The following MCCC1 variants were observed in gnomAD, a reference collection of about 807,000 sequenced individuals.
MCCC1 encodes methylcrotonyl-CoA carboxylase subunit 1.
Under a neutral mutation model 83.8 loss-of-function variants are expected in MCCC1, and 64 were observed. That is an observed-to-expected ratio of 0.76 (90% CI 0.62 to 0.94). The LOEUF (loss-of-function observed/expected upper bound fraction) is 0.94, where lower values mean the gene tolerates loss of function less well. MCCC1 is among the 40% of genes least tolerant of loss of function. The pLI is 0.00. For synonymous variants in MCCC1, 322 were observed against 315.4 expected (o/e 1.02, Z -0.22); for missense variants, 807 against 904.7 (o/e 0.89, Z 1.39).
Position 183,052,254 on chromosome 3 carries a change from A to T in MCCC1, c.874-14T>A, listed in dbSNP as rs766849894. On this transcript the variant is annotated splice_polypyrimidine_tract_variant and intron_variant, in intron 8 of 18. Transcript: ENST00000265594. Reference sequence around the variant, plus strand: ...TTTAATACCAGGCTATGAAAAAAATATGTAAATAAATCTCCATTAGTAGCT... The same window carrying T: ...TTTAATACCAGGCTATGAAAAAAATTTGTAAATAAATCTCCATTAGTAGCT... 1.2e-6 allele frequency: 2 copies of T among 1,608,944 alleles called. No individual in the cohort carries two copies. Among genetic ancestry groups the T allele is most frequent in the Non-Finnish European group, 1.7e-6 (2 of 1,175,494 alleles).
intron 4 of MCCC1, among the ~76,000 whole-genome samples, chr3:183,080,036 A>AT (rs1224343024): frequency 6.6e-6 from 1 of 151,824 alleles, no homozygotes; most frequent in East Asian, 1.9e-4. Flanking sequence ...CCACAAAACC[A>AT]TTTTTTCCCT....
At chr3:183,091,565 T>TCAAAAA (rs1160351180) in intron 3 of MCCC1, among the ~76,000 whole-genome samples, 2 of 149,374 alleles carry the variant, frequency 1.3e-5, no homozygotes, top group East Asian at 4.0e-4. Flanking sequence ...GAGACTCTTG[T>TCAAAAA]CAAAAACAAA....
At chr3:183,101,638 G>C (rs914237447), upstream of MCCC1, among the ~76,000 whole-genome samples, 1 of 152,228 alleles carries the variant, frequency 6.6e-6, no homozygotes, top group African/African-American at 2.4e-5. Flanking sequence ...CAATCAGCAG[G>C]ATGTGGGTGG....
chr3:183,041,673 A>G lies in MCCC1; in HGVS notation c.1161T>C (p.Tyr387=), dbSNP rs1577276273. 1.2e-6 allele frequency: 2 copies of G among 1,614,078 alleles called. No homozygotes were observed. Among genetic ancestry groups the G allele is most frequent in the African/African-American group, 1.3e-5 (1 of 74,940 alleles). Residue 387 remains tyrosine (Y), a synonymous_variant, in exon 11 of 19, where the codon TAT becomes TAC. Transcript: ENST00000265594. Reference sequence around the variant, plus strand: ...TGAAGTTATTGCTAGGATCTTCTGCATATATTCTAGCTTCGAAGGCATGGC... The same window carrying G: ...TGAAGTTATTGCTAGGATCTTCTGCGTATATTCTAGCTTCGAAGGCATGGC... ...LQGHAFEARI[Y]AEDPSNNFMP...
upstream of MCCC1, among the ~76,000 whole-genome samples, chr3:183,102,885 C>A (rs1309542485): frequency 5.1e-5 from 7 of 137,536 alleles, no homozygotes; most frequent in Middle Eastern, 4.1e-3. Context: ...CTCCCAAGTT[C>A]AAATGATTCT....
upstream of MCCC1, among the ~76,000 whole-genome samples, chr3:183,100,373 AAT>A (rs1184438293): frequency 1.3e-5 from 2 of 152,226 alleles, no homozygotes; most frequent in Non-Finnish European, 2.9e-5. Context: ...CCACAGAAAA[AAT>A]AGAGAAGTTT....
chr3:183,105,301 G>A (rs1301164968), intron 1 of MCCC1, among the ~76,000 whole-genome samples: 1 of 152,084 alleles, frequency 6.6e-6, no homozygotes, highest in African/African-American at 2.4e-5. Context: ...CTGAGGTCAC[G>A]CCATTGCACC....
At chr3:183,070,951 T>C (rs374936191) in intron 7 of MCCC1, 48 bp downstream of exon 7, 12 of 1,562,384 alleles carry the variant, frequency 7.7e-6, no homozygotes, top group Non-Finnish European at 1.0e-5. Context: ...GCATTATTTT[T>C]ATAATTTAAT....
intron 4 of MCCC1, among the ~76,000 whole-genome samples, chr3:183,078,740 C>T (rs1374901737): frequency 6.6e-6 from 1 of 152,160 alleles, no homozygotes; most frequent in Non-Finnish European, 1.5e-5. Flanking sequence ...GATAAATGCT[C>T]TTCTTTCATA....
chr3:183,092,063 A>C (rs965857220), intron 3 of MCCC1, among the ~76,000 whole-genome samples: 1 of 151,322 alleles, frequency 6.6e-6, no homozygotes, highest in African/African-American at 2.4e-5. Flanking sequence ...AAAAAAAAAG[A>C]AAAAAAAAGA....
rs11927776 is a variant in MCCC1, at chr3:183,036,968, T to C, written c.1594+250A>G. On this transcript the variant is annotated intron_variant, in intron 13 of 18. Coordinates refer to ENST00000265594, the MANE Select transcript of MCCC1 (RefSeq NM_020166.5). ...GATTACAGACGTGAGCCACCGCGCC[T>C]GGCCAAAGAGATCCATTTCTACAAT... Among the ~76,000 whole-genome samples the C allele has an allele frequency of 4.0e-3, 604 of 152,216 alleles. 2 individuals are homozygous for C. The highest frequency in any genetic ancestry group is 0.014 in the African/African-American group (579 of 41,536).
Position 183,041,675 on chromosome 3 carries a change from A to G in MCCC1, c.1159T>C (p.Tyr387His). Residue 387 changes from tyrosine to histidine, a missense_variant, in exon 11 of 19, where the codon TAT (tyrosine) becomes CAT (histidine). Coordinates refer to ENST00000265594, the MANE Select transcript of MCCC1 (RefSeq NM_020166.5). ...LQGHAFEARIYAEDPSNNFMP... is the reference protein window; with the variant it reads ...LQGHAFEARIHAEDPSNNFMP... The stretch of plus-strand genomic sequence containing the variant: ...AAGTTATTGCTAGGATCTTCTGCAT[A>G]TATTCTAGCTTCGAAGGCATGGCCC... 6.2e-7 allele frequency: 1 copy of G among 1,614,218 alleles called. No individual in the cohort carries two copies. The highest frequency in any genetic ancestry group is 8.5e-7 in the Non-Finnish European group (1 of 1,180,034).
At chr3:183,042,347 T>C (rs1714159078) in intron 10 of MCCC1, among the ~76,000 whole-genome samples, 1 of 152,228 alleles carries the variant, frequency 6.6e-6, no homozygotes, top group African/African-American at 2.4e-5. Flanking sequence ...ACTATAATTA[T>C]TACTATTTTA....
chr3:183,030,030 T>A lies in MCCC1; in HGVS notation c.1681+3961A>T, dbSNP rs7651093. Among the ~76,000 whole-genome samples the A allele has an allele frequency of 8.5e-3, 1,290 of 152,260 alleles. 21 individuals carry two copies. The highest frequency in any genetic ancestry group is 0.03 in the African/African-American group (1,234 of 41,536). On this transcript the variant is annotated intron_variant, in intron 14 of 18. Transcript: ENST00000265594. The stretch of plus-strand genomic sequence containing the variant: ...TGGGACAATTAACATTCTCTAGGCC[T>A]GGGGAGGTGGCTCACACCTGTAATC...
rs1163620394 is a variant in MCCC1 at position 183,086,749 on chromosome 3, G to T, written c.313C>A (p.Gln105Lys). The change falls in exon 4 of 19, where the codon CAG becomes AAG. Residue 105 changes from glutamine to lysine, a missense_variant. Gln to Lys is a moderately conservative substitution (Grantham distance 53). Coordinates refer to ENST00000265594, the MANE Select transcript of MCCC1 (RefSeq NM_020166.5). The part of the protein sequence containing the change: ...AYSIGPAPSQ[Q>K]SYLSMEKIIQ... Reference sequence around the variant, plus strand: ...ATTTTCTCCATAGATAGGTAGCTCTGCTGGGAGGGAGCGGGGCCGATGGAA... The same window carrying T: ...ATTTTCTCCATAGATAGGTAGCTCTTCTGGGAGGGAGCGGGGCCGATGGAA... 1 of 1,614,206 alleles carries T rather than the reference G, an allele frequency of 6.2e-7. No individual in the cohort carries two copies. The highest frequency in any genetic ancestry group is 1.1e-5 in the South Asian group (1 of 91,068).
intron 7 of MCCC1, among the ~76,000 whole-genome samples, chr3:183,060,895 G>A (rs1015270315): frequency 1.3e-5 from 2 of 152,154 alleles, no homozygotes; most frequent in Non-Finnish European, 2.9e-5. Context: ...TCCCTACAAA[G>A]GACATGAACT....
Position 183,015,404 on chromosome 3 carries a change from G to C in MCCC1, c.*34C>G, listed in dbSNP as rs763619232. The C allele has an allele frequency of 9.9e-6, 16 of 1,613,176 alleles. No homozygotes were observed. Among genetic ancestry groups the C allele is most frequent in the Middle Eastern group, 1.6e-4 (1 of 6,080 alleles). ...CTTCCTCTTTTTGGTGGAGAGAGAA[G>C]ACACTACTTAACTGGCCATTTCCTT... On this transcript the variant is annotated 3_prime_UTR_variant, in exon 19 of 19. Transcript: ENST00000265594.
intron 4 of MCCC1, among the ~76,000 whole-genome samples, chr3:183,073,018 AT>A (rs1255072931): frequency 6.6e-6 from 1 of 152,192 alleles, no homozygotes; most frequent in Non-Finnish European, 1.5e-5. Context: ...TCAAAATTCC[AT>A]TTGTTTTTAA....
At chr3:183,043,848 C>T (rs569894866) in intron 10 of MCCC1, among the ~76,000 whole-genome samples, 5 of 152,240 alleles carry the variant, frequency 3.3e-5, no homozygotes, top group East Asian at 1.9e-4. Flanking sequence ...TTTCCAAGGT[C>T]GAAACTCTCT....
Sources: allele counts gnomAD v4.1 joint callset (sites outside exome capture counted in the v4.1 genomes callset), GRCh38; gene constraint gnomAD v4.1.1; transcripts MANE v1.5; gene names NCBI Gene and HGNC (gene_info 2026-07-23, HGNC 2026-07-21).